The following DCAF6 variants were observed in gnomAD, a reference collection of about 807,000 sequenced individuals.
DCAF6 encodes DDB1 and CUL4 associated factor 6, also known as DDB1- and CUL4-associated factor 6.
A neutral mutation model predicts 125.1 loss-of-function variants in DCAF6; 54 were observed. The observed-to-expected ratio is 0.43, with a 90% CI of 0.35 to 0.54. DCAF6 has a LOEUF of 0.54. Ranked by LOEUF, DCAF6 falls within the 20% of genes least tolerant of loss-of-function variation. The probability of loss-of-function intolerance (pLI) is 0.01; values close to 1 mark genes in which losing one functional copy is unlikely to be tolerated. For synonymous variants in DCAF6, 371 were observed against 390.4 expected, an observed-to-expected ratio of 0.95 and a Z score of 0.58; for missense variants, 934 against 1,161.7, an observed-to-expected ratio of 0.80 and a Z score of 2.85.
intron 7 of DCAF6, among the ~76,000 whole-genome samples, chr1:167,995,652 C>T (rs966740700): frequency 2.0e-5 from 3 of 150,142 alleles, no homozygotes; most frequent in Admixed American, 1.3e-4. Context: ...GCACTCCAGC[C>T]TGGGTGACAA....
At chr1:167,919,940 C>T in the DCAF6 span, 1 of 1,497,908 alleles carries the variant, frequency 6.7e-7, no homozygotes. Context: ...ATCTAAGTAG[C>T]TTTTGCAACA....
At chr1:167,959,603 T>C (rs1675275897) in intron 2 of DCAF6, among the ~76,000 whole-genome samples, 1 of 152,228 alleles carries the variant, frequency 6.6e-6, no homozygotes, top group Admixed American at 6.5e-5. Context: ...TTCTAATAGA[T>C]ATGTAGTACA....
chr1:167,904,102 T>C, the DCAF6 span: 1 of 665,636 alleles, frequency 1.5e-6, no homozygotes, highest in Non-Finnish European at 2.6e-6. Flanking sequence ...TTTTTTTTTT[T>C]TTTGAGACAG....
intron 20 of DCAF6, among the ~76,000 whole-genome samples, chr1:168,068,069 G>C (rs973186335): frequency 1.3e-5 from 2 of 152,194 alleles, no homozygotes; most frequent in African/African-American, 4.8e-5. Flanking sequence ...GAAGCAAATT[G>C]CAAGTAAAAG....
chr1:167,875,179 C>A, the DCAF6 span: 2 of 1,614,058 alleles, frequency 1.2e-6, no homozygotes, highest in Non-Finnish European at 1.7e-6. Context: ...CACGCCATAC[C>A]AAACATGCTG....
chr1:167,911,015 A>G, the DCAF6 span, among the ~76,000 whole-genome samples: 12,239 of 152,276 alleles, frequency 0.08, 580 homozygotes, highest in Middle Eastern at 0.11. Flanking sequence ...CCTCACATGC[A>G]TAGTATAGAC....
intron 2 of DCAF6, among the ~76,000 whole-genome samples, chr1:167,959,652 T>C (rs780543654): frequency 1.2e-4 from 18 of 152,262 alleles, no homozygotes; most frequent in Non-Finnish European, 2.2e-4. Context: ...TCTTTTCATA[T>C]GCTCGTTTGC....
At chr1:167,952,963 C>T (rs1246818445) in intron 2 of DCAF6, among the ~76,000 whole-genome samples, 1 of 152,066 alleles carries the variant, frequency 6.6e-6, no homozygotes, top group Non-Finnish European at 1.5e-5. Context: ...TTTTCTTCCC[C>T]CATCCACCTT....
chr1:168,044,838 A>C (rs532591382), intron 15 of DCAF6, 62 bp from the exon 16 acceptor site: 248 of 1,548,238 alleles, frequency 1.6e-4, no homozygotes, highest in Non-Finnish European at 2.1e-4. Flanking sequence ...CTCCTAAGTT[A>C]GGTTAAATAA....
intron 1 of DCAF6, 108 bp downstream of exon 1, chr1:167,937,116 C>A: frequency 1.1e-6 from 1 of 925,854 alleles, no homozygotes; most frequent in East Asian, 2.7e-5. Context: ...TGGGGGCGCC[C>A]GGAGACTCTG....
chr1:168,004,570 G>T lies in DCAF6; in HGVS notation c.1155G>T (p.Thr385=). ...TSQSDISTLP[T]VPSSPDLEVS... ...AATCAGATATTTCAACTCTTCCTAC[G>T]GTCCCATCAAGTCCTGATTTGGAAG... Residue 385 remains threonine (T), a synonymous_variant, in exon 10 of 22, where the codon ACG becomes ACT. Transcript: ENST00000367840. The T allele has an allele frequency of 1.2e-6, 2 of 1,612,100 alleles. No homozygotes were observed. Among genetic ancestry groups the T allele is most frequent in the Non-Finnish European group, 1.7e-6 (2 of 1,178,918 alleles).
intron 7 of DCAF6, among the ~76,000 whole-genome samples, chr1:168,001,480 A>G (rs910655297): frequency 3.3e-5 from 5 of 152,098 alleles, no homozygotes; most frequent in Admixed American, 3.3e-4. Flanking sequence ...GGTGAGAATG[A>G]AGTTAGTGGA....
chr1:167,986,990 A>C (rs1418384795), intron 4 of DCAF6, among the ~76,000 whole-genome samples: 1 of 152,208 alleles, frequency 6.6e-6, no homozygotes, highest in Non-Finnish European at 1.5e-5. Flanking sequence ...CATTTCGTTG[A>C]CATTAAGTAT....
At chr1:167,918,900 A>G in the DCAF6 span, among the ~76,000 whole-genome samples, 1 of 151,980 alleles carries the variant, frequency 6.6e-6, no homozygotes, top group Admixed American at 6.6e-5. Flanking sequence ...GCCTGCCAAA[A>G]ACTTTTAACA....
chr1:167,898,142 C>G, the DCAF6 span, among the ~76,000 whole-genome samples: 1 of 151,018 alleles, frequency 6.6e-6, no homozygotes, highest in African/African-American at 2.4e-5. Context: ...TAGTATTGTA[C>G]CAATGTTAAT....
At chr1:168,072,165 C>T (rs1285923897) in intron 21 of DCAF6, among the ~76,000 whole-genome samples, 1 of 151,188 alleles carries the variant, frequency 6.6e-6, no homozygotes, top group African/African-American at 2.4e-5. Flanking sequence ...GGTGTGGTGG[C>T]GCGTGCCTGT....
intron 4 of DCAF6, among the ~76,000 whole-genome samples, chr1:167,984,561 AAAGCT>A (rs1214665685): frequency 1.0e-5 from 1 of 97,000 alleles, no homozygotes; most frequent in African/African-American, 2.9e-5. Flanking sequence ...TAAAGTCATC[AAAGCT>A]AAGTCAATAA....
At chr1:167,990,297 G>A (rs1489109453) in intron 5 of DCAF6, among the ~76,000 whole-genome samples, 1 of 152,020 alleles carries the variant, frequency 6.6e-6, no homozygotes, top group East Asian at 1.9e-4. Context: ...GACCTCAAGA[G>A]TTTGAGGTTA....
chr1:167,880,093 G>A, the DCAF6 span: 1 of 1,603,984 alleles, frequency 6.2e-7, no homozygotes, highest in Non-Finnish European at 8.5e-7. Context: ...AAGAAAGCTG[G>A]AGATGAGCTG....
Sources: allele counts gnomAD v4.1 joint callset (sites outside exome capture counted in the v4.1 genomes callset), GRCh38; gene constraint gnomAD v4.1.1; transcripts MANE v1.5; gene names NCBI Gene and HGNC (gene_info 2026-07-23, HGNC 2026-07-21).